The following ZMYND19 variants were observed in gnomAD, a reference collection of about 807,000 sequenced individuals.
ZMYND19 encodes zinc finger MYND domain-containing protein 19.
A neutral mutation model predicts 32.0 loss-of-function variants in ZMYND19; 17 were observed. The ratio of observed to expected loss-of-function variants is 0.53; its 90% CI spans 0.36 to 0.80. The LOEUF (loss-of-function observed/expected upper bound fraction) is 0.80. Ranked by LOEUF, ZMYND19 falls within the 30% of genes least tolerant of loss-of-function variation. The pLI, the probability that ZMYND19 is intolerant of heterozygous loss-of-function variation, is 0.00. For missense variants in ZMYND19, 250 were observed against 293.6 expected (o/e 0.85, Z 1.09); for synonymous variants, 124 against 113.6 (o/e 1.09, Z -0.58).
chr9:137,582,958 C>T (rs772687078), intron 5 of ZMYND19, 25 bp downstream of exon 5: 16 of 1,610,668 alleles, frequency 9.9e-6, no homozygotes, highest in South Asian at 5.5e-5. Flanking sequence ...GTGCCAGGGA[C>T]GCGACCGCAC....
intron 1 of ZMYND19, chr9:137,589,374 T>G (rs1842243204): frequency 1.0e-6 from 1 of 985,246 alleles, no homozygotes; most frequent in Non-Finnish European, 1.2e-6. Flanking sequence ...CTCTTGGCAG[T>G]TTTTCTTCTG....
In ZMYND19 at chr9:137,589,585, G is replaced by A. The variant is rs998941496; in HGVS notation, c.51+628C>T. ...TGGAATCCCCAGCCTCAAACGTGGA[G>A]CGTGGGGGCCAAGTAAGAAGAGAAG... On this transcript the variant is annotated intron_variant, in intron 1 of 5. Coordinates refer to ENST00000298585, the MANE Select transcript of ZMYND19 (RefSeq NM_138462.3). The A allele has an allele frequency of 9.1e-6, 9 of 985,476 alleles. No homozygotes were observed. The South Asian group carries it at 3.8e-4, about 41-fold the overall frequency. The allele number at this position is 985,476 out of a possible 1,614,324, so 61.0% of individuals were successfully genotyped here.
intron 4 of ZMYND19, among the ~76,000 whole-genome samples, chr9:137,584,274 T>C (rs1000458971): frequency 6.6e-6 from 1 of 152,238 alleles, no homozygotes; most frequent in African/African-American, 2.4e-5. Context: ...GCCCACCTCC[T>C]GTAGCAGGGG....
intron 4 of ZMYND19, among the ~76,000 whole-genome samples, chr9:137,584,225 C>A (rs1344207077): frequency 6.6e-6 from 1 of 152,270 alleles, no homozygotes; most frequent in Non-Finnish European, 1.5e-5. Context: ...GTTGGCAAAC[C>A]AAAGATGGCT....
In ZMYND19 at chr9:137,590,050, G is replaced by A; in HGVS notation, c.51+163C>T. ...CGGCCTGCGAGAGGAAGCTGCACCC[G>A]CGCGGGGCCAGCAGCCGGGCCCGCG... On this transcript the variant is annotated intron_variant, in intron 1 of 5. Coordinates refer to ENST00000298585, the MANE Select transcript of ZMYND19 (RefSeq NM_138462.3). This position sits in a 1 kb window ranked among gnomAD's most constrained non-coding sequence, Gnocchi z 4.2. The A allele has an allele frequency of 1.0e-6, 1 of 983,556 alleles. No individual in the cohort carries two copies. Among genetic ancestry groups the A allele is most frequent in the Non-Finnish European group, 1.2e-6 (1 of 828,918 alleles). The allele number at this position is 983,556 out of a possible 1,614,324, so 60.9% of individuals were successfully genotyped here. A position where few individuals can be genotyped will look rare whatever the true frequency, so the allele number is the denominator to read the frequency against.
At chr9:137,589,976 G>C in intron 1 of ZMYND19, 2 of 985,310 alleles carry the variant, frequency 2.0e-6, no homozygotes, top group Non-Finnish European at 1.2e-6. Context: ...CGGCAGGGCA[G>C]GGCCGAGGGT....
At position 137,586,140 on chromosome 9, in the gene ZMYND19, A is replaced by C. The variant is rs116419818; in HGVS notation, c.359+827T>G. Among the ~76,000 whole-genome samples the C allele has an allele frequency of 3.5e-3, 534 of 152,396 alleles. 3 individuals carry two copies. Among genetic ancestry groups the C allele is most frequent in the African/African-American group, 0.012 (505 of 41,598 alleles). On this transcript the variant is annotated intron_variant, in intron 4 of 5. Coordinates refer to ENST00000298585, the MANE Select transcript of ZMYND19 (RefSeq NM_138462.3). ...AAGCACTGCTTTCAGGATCACAGGC[A>C]GGTCGGGGGCCGAGGGCTGAGCCCT...
intron 1 of ZMYND19, chr9:137,588,964 G>A: frequency 2.0e-6 from 1 of 510,554 alleles, no homozygotes; most frequent in Non-Finnish European, 3.5e-6. Context: ...CTGCGCCAGA[G>A]GAGCTGGTAT....
Position 137,587,718 on chromosome 9 carries a change from A to ACAG in ZMYND19, c.214_216dup (p.Leu72dup). 6.2e-7 allele frequency: 1 copy of ACAG among 1,613,912 alleles called. No individual in the cohort carries two copies. The highest frequency in any genetic ancestry group is 8.5e-7 in the Non-Finnish European group (1 of 1,179,908). On this transcript the variant is annotated inframe_insertion and splice_region_variant, in exon 3 of 6. Transcript: ENST00000298585. ...CAGAGACAGCTTGGAAACACCCACC[A>ACAG]CAGCAGCTCATGAAGGAGTCTCCCA...
At chr9:137,586,607 G>A (rs996218365) in intron 4 of ZMYND19, among the ~76,000 whole-genome samples, 1 of 152,116 alleles carries the variant, frequency 6.6e-6, no homozygotes, top group Non-Finnish European at 1.5e-5. Context: ...CTGAGGTGAG[G>A]AGAGAAGGCT....
At chr9:137,586,025 C>T (rs1232104250) in intron 4 of ZMYND19, among the ~76,000 whole-genome samples, 1 of 152,246 alleles carries the variant, frequency 6.6e-6, no homozygotes, top group East Asian at 1.9e-4. Flanking sequence ...CTGCTGGTCC[C>T]TTGGCTCTTC....
chr9:137,585,338 T>C (rs996556089), intron 4 of ZMYND19, among the ~76,000 whole-genome samples: 4 of 149,392 alleles, frequency 2.7e-5, no homozygotes, highest in African/African-American at 9.9e-5. Flanking sequence ...CAGAATTGCT[T>C]GAACTGGGCA....
intron 4 of ZMYND19, among the ~76,000 whole-genome samples, chr9:137,585,230 C>A (rs1368007898): frequency 3.3e-5 from 5 of 151,950 alleles, no homozygotes; most frequent in African/African-American, 1.2e-4. Context: ...CAAGACCAGC[C>A]TGGCCAACAT....
Position 137,582,461 on chromosome 9 carries a change from C to T in ZMYND19, c.*82G>A. On this transcript the variant is annotated 3_prime_UTR_variant, in exon 6 of 6. Coordinates refer to ENST00000298585, the MANE Select transcript of ZMYND19 (RefSeq NM_138462.3). ...GGCCCGCAGCTGGCTTTTTTGGCAC[C>T]TCCAGGTTCAACCACCAGTCTGTCT... 2 of 1,531,276 alleles carry T rather than the reference C, an allele frequency of 1.3e-6. No individual in the cohort carries two copies. Among genetic ancestry groups the T allele is most frequent in the Non-Finnish European group, 1.8e-6 (2 of 1,141,150 alleles). The allele number at this position is 1,531,276 out of a possible 1,614,324, so 94.9% of individuals were successfully genotyped here. A position where few individuals can be genotyped will look rare whatever the true frequency, so the allele number is the denominator to read the frequency against.
In ZMYND19 at chr9:137,586,451, G is replaced by C. The variant is rs34780391; in HGVS notation, c.359+516C>G. Among the ~76,000 whole-genome samples the C allele has an allele frequency of 8.9e-4, 134 of 151,034 alleles. 1 individual carries two copies. Among genetic ancestry groups the C allele is most frequent in the Non-Finnish European group, 1.7e-3 (113 of 67,810 alleles). Reference sequence around the variant, plus strand: ...TGAGCAGAGAAGGAAGGAATCCCGAGGTGAGGAGAGAAGGAAGGAATCCCG... The same window carrying C: ...TGAGCAGAGAAGGAAGGAATCCCGACGTGAGGAGAGAAGGAAGGAATCCCG... On this transcript the variant is annotated intron_variant, in intron 4 of 5. Transcript: ENST00000298585.
intron 4 of ZMYND19, among the ~76,000 whole-genome samples, chr9:137,586,083 G>T (rs1842201020): frequency 6.6e-6 from 1 of 152,374 alleles, no homozygotes; most frequent in South Asian, 2.1e-4. Flanking sequence ...AGGGCCAGCA[G>T]GAACCGCCCT....
chr9:137,588,035 ACACT>A (rs1376594452), intron 2 of ZMYND19, among the ~76,000 whole-genome samples: 2 of 152,222 alleles, frequency 1.3e-5, no homozygotes, highest in African/African-American at 4.8e-5. Context: ...CGAGCAAGAA[ACACT>A]CACAAACAAC....
intron 2 of ZMYND19, among the ~76,000 whole-genome samples, chr9:137,588,071 T>G (rs550848518): frequency 6.6e-6 from 1 of 152,038 alleles, no homozygotes; most frequent in Non-Finnish European, 1.5e-5. Context: ...CAATGGGACA[T>G]AGACAAATAC....
rs1842156747 is a variant in ZMYND19, at chr9:137,582,417, T to G, written c.*126A>C. 7.4e-7 allele frequency: 1 copy of G among 1,355,692 alleles called. No individual in the cohort carries two copies. Among genetic ancestry groups the G allele is most frequent in the South Asian group, 1.4e-5 (1 of 70,046 alleles). The allele number at this position is 1,355,692 out of a possible 1,614,324, so 84.0% of individuals were successfully genotyped here. On this transcript the variant is annotated 3_prime_UTR_variant, in exon 6 of 6. Transcript: ENST00000298585. ...CACAGACTGCCTGTGACATCGGGAGTCTCACGGCAGCTGTCCTGGGCCCGC... is the reference window on the plus strand; with the variant it reads ...CACAGACTGCCTGTGACATCGGGAGGCTCACGGCAGCTGTCCTGGGCCCGC...
Sources: gnomAD v4.1 joint callset for allele counts (sites outside exome capture counted in the v4.1 genomes callset) on GRCh38, gnomAD v4.1.1 for gene constraint, Gnocchi (gnomAD v3.1) non-coding constraint, MANE v1.5 for transcripts, NCBI Gene and HGNC (gene_info 2026-07-23, HGNC 2026-07-21) for gene names.